Variants in ITGB1BP1 observed in about 807,000 individuals in gnomAD.
The protein encoded by ITGB1BP1 is integrin subunit beta 1 binding protein 1.
In ITGB1BP1, 20 loss-of-function variants were observed where a neutral mutation model predicts 28.0. That is an observed-to-expected ratio of 0.71 (90% CI 0.50 to 1.04). The LOEUF is 1.04. Among genes scored for constraint, ITGB1BP1 ranks in the 50% least tolerant of loss-of-function variants. ITGB1BP1 has a pLI of 0.00. For missense variants in ITGB1BP1, 228 were observed against 242.5 expected, an observed-to-expected ratio of 0.94 and a Z score of 0.40; for synonymous variants, 103 against 89.5, an observed-to-expected ratio of 1.15 and a Z score of -0.85.
chr2:9,423,357 A>AG lies in ITGB1BP1; in HGVS notation c.-36+15dup, dbSNP rs1185055403. Reference sequence around the variant, plus strand: ...CGCGAGCTCGGCCCCAAGCGGGACGAGGGCTGGGCGCTCACCTCGCAGCCG... The same window carrying AG: ...CGCGAGCTCGGCCCCAAGCGGGACGAGGGGCTGGGCGCTCACCTCGCAGCCG... On this transcript the variant is annotated intron_variant, in intron 1 of 6. Coordinates refer to ENST00000355346, the MANE Select transcript of ITGB1BP1 (RefSeq NM_004763.5). 8.4e-7 allele frequency: 1 copy of AG among 1,185,472 alleles called. No homozygotes were observed. The highest frequency in any genetic ancestry group is 1.5e-5 in the South Asian group (1 of 68,214). 73.4% of individuals were successfully genotyped at this position (1,185,472 alleles called of 1,614,324 possible).
At position 9,411,384 on chromosome 2, in the gene ITGB1BP1, C is replaced by T. The variant is rs11678999; in HGVS notation, c.288+885G>A. On this transcript the variant is annotated intron_variant, in intron 4 of 6. Transcript: ENST00000355346. Reference sequence around the variant, plus strand: ...GAATCTATGGAATATAACCAGTCACCGCAACCAGCTCCTCATTTAAATAGG... The same window carrying T: ...GAATCTATGGAATATAACCAGTCACTGCAACCAGCTCCTCATTTAAATAGG... Among the ~76,000 whole-genome samples the T allele has an allele frequency of 5.9e-3, 904 of 152,192 alleles. 11 individuals are homozygous for T. Among genetic ancestry groups the T allele is most frequent in the African/African-American group, 0.02 (847 of 41,516 alleles).
chr2:9,412,183 C>A, intron 4 of ITGB1BP1, 86 bp downstream of exon 4: 1 of 1,196,846 alleles, frequency 8.4e-7, no homozygotes, highest in Non-Finnish European at 1.2e-6. Flanking sequence ...CCCAGTGGAC[C>A]CGAGGAGTGA....
chr2:9,414,704 C>T (rs1678901023), intron 2 of ITGB1BP1, among the ~76,000 whole-genome samples: 1 of 152,158 alleles, frequency 6.6e-6, no homozygotes, highest in African/African-American at 2.4e-5. Context: ...GTGACTTATC[C>T]AAGGTCACAT....
intron 1 of ITGB1BP1, among the ~76,000 whole-genome samples, chr2:9,418,995 C>G (rs970975635): frequency 6.6e-6 from 1 of 152,168 alleles, no homozygotes; most frequent in African/African-American, 2.4e-5. Context: ...CTCAGGCGAT[C>G]CTCCCGCCTT....
intron 3 of ITGB1BP1, among the ~76,000 whole-genome samples, 188 bp downstream of exon 3, chr2:9,413,990 C>A (rs1678794892): frequency 6.6e-6 from 1 of 152,138 alleles, no homozygotes; most frequent in Non-Finnish European, 1.5e-5. Flanking sequence ...TATGTGGTTT[C>A]CCCCAATCAC....
chr2:9,423,240 G>GCCCAGGCATCCCTCCTCCGCCCGCC, intron 1 of ITGB1BP1, 133 bp downstream of exon 1: 1 of 1,138,404 alleles, frequency 8.8e-7, no homozygotes. Flanking sequence ...CCAAGCCCGA[G>GCCCAGGCATCCCTCCTCCGCCCGCC]CCCAGGCATC....
At position 9,423,372 on chromosome 2, in the gene ITGB1BP1, C is replaced by T. The variant is rs1480175025; in HGVS notation, c.-36+1G>A. On this transcript the variant is annotated splice_donor_variant, in intron 1 of 6. Coordinates refer to ENST00000355346, the MANE Select transcript of ITGB1BP1 (RefSeq NM_004763.5). LOFTEE classifies it low-confidence loss of function (5UTR_SPLICE). ...AAGCGGGACGAGGGCTGGGCGCTCA[C>T]CTCGCAGCCGCGGGCCCATCCCCGG... is the stretch of plus-strand genomic sequence containing the variant. 8 of 1,159,202 alleles carry T rather than the reference C, an allele frequency of 6.9e-6. No individual in the cohort carries two copies. Among genetic ancestry groups the T allele is most frequent in the Admixed American group, 4.3e-5 (1 of 23,208 alleles). The allele number at this position is 1,159,202 out of a possible 1,614,324, so 71.8% of individuals were successfully genotyped here. A position where few individuals can be genotyped will look rare whatever the true frequency, so the allele number is the denominator to read the frequency against.
Position 9,405,092 on chromosome 2 carries a change from T to C in ITGB1BP1, c.*1742A>G, listed in dbSNP as rs1157489733. 2 of 152,476 alleles carry C rather than the reference T, an allele frequency of 1.3e-5. No individual in the cohort carries two copies. The highest frequency in any genetic ancestry group is 4.8e-5 in the African/African-American group (2 of 41,446). The allele number at this position is 152,476 out of a possible 1,614,324, so 9.4% of individuals were successfully genotyped here. ...ATATAAGGAATAAAGTTGATTCATATCAACATTAGAACTCCAGTCCCAAAC... is the reference window on the plus strand; with the variant it reads ...ATATAAGGAATAAAGTTGATTCATACCAACATTAGAACTCCAGTCCCAAAC... On this transcript the variant is annotated 3_prime_UTR_variant, in exon 7 of 7. Transcript: ENST00000355346.
chr2:9,422,197 G>T (rs1362646647), intron 1 of ITGB1BP1, among the ~76,000 whole-genome samples: 1 of 152,172 alleles, frequency 6.6e-6, no homozygotes. Flanking sequence ...CGATTAAAAT[G>T]ATTTCTTTCA....
At chr2:9,406,978 G>A in intron 6 of ITGB1BP1, 73 bp from the exon 7 acceptor site, 1 of 1,110,058 alleles carries the variant, frequency 9.0e-7, no homozygotes. Context: ...GCTAGCAGAG[G>A]CACACACCTG....
intron 1 of ITGB1BP1, chr2:9,420,143 G>T: frequency 1.7e-6 from 1 of 573,598 alleles, no homozygotes; most frequent in Non-Finnish European, 2.2e-6. Context: ...AGCAGTCAGT[G>T]AAAGCTCCTG....
upstream of ITGB1BP1, chr2:9,423,567 G>T: frequency 9.0e-7 from 1 of 1,117,298 alleles, no homozygotes; most frequent in Non-Finnish European, 1.2e-6. Context: ...CCGGTTCCAA[G>T]ACCCCAAGTG....
intron 1 of ITGB1BP1, among the ~76,000 whole-genome samples, chr2:9,420,513 A>G (rs1679681674): frequency 6.6e-6 from 1 of 152,210 alleles, no homozygotes; most frequent in South Asian, 2.1e-4. Flanking sequence ...ACACAAGTTG[A>G]GGAGACACAG....
chr2:9,411,945 G>C (rs1678460504), intron 4 of ITGB1BP1: 1 of 222,920 alleles, frequency 4.5e-6, no homozygotes, highest in Admixed American at 6.0e-5. Flanking sequence ...GAGAGGCTGA[G>C]GCAGGAGAAT....
Position 9,404,610 on chromosome 2 carries a change from T to C in ITGB1BP1, c.*2224A>G, listed in dbSNP as rs1677039426. On this transcript the variant is annotated 3_prime_UTR_variant, in exon 7 of 7. Coordinates refer to ENST00000355346, the MANE Select transcript of ITGB1BP1 (RefSeq NM_004763.5). ...GGCATATGATACCCACTTGGACTTTTAACAAAAGTAAAGGAATAAATTTGC... is the reference window on the plus strand; with the variant it reads ...GGCATATGATACCCACTTGGACTTTCAACAAAAGTAAAGGAATAAATTTGC... The C allele has an allele frequency of 6.6e-6, 1 of 152,570 alleles. No homozygotes were observed. Among genetic ancestry groups the C allele is most frequent in the Non-Finnish European group, 1.5e-5 (1 of 68,046 alleles). 9.5% of individuals were successfully genotyped at this position (152,570 alleles called of 1,614,324 possible).
chr2:9,417,652 C>T (rs1358656936), intron 2 of ITGB1BP1, among the ~76,000 whole-genome samples: 2 of 152,128 alleles, frequency 1.3e-5, no homozygotes, highest in Non-Finnish European at 2.9e-5. Context: ...CTCCTGACCT[C>T]AGGTGATCTG....
intron 6 of ITGB1BP1, 171 bp from the exon 7 acceptor site, chr2:9,407,076 G>A (rs1039523029): frequency 6.4e-6 from 4 of 621,382 alleles, no homozygotes; most frequent in Non-Finnish European, 1.2e-5. Context: ...CTGCACGTGG[G>A]CCCTTTCTGC....
rs1677393940 is a variant in ITGB1BP1 at position 9,406,507 on chromosome 2, TCGTCTTCCTC to T, written c.*317_*326del. The T allele has an allele frequency of 5.7e-6, 1 of 175,894 alleles. No homozygotes were observed. Among genetic ancestry groups the T allele is most frequent in the African/African-American group, 3.1e-5 (1 of 32,122 alleles). 10.9% of individuals were successfully genotyped at this position (175,894 alleles called of 1,614,324 possible). ...TCACTGAGTGGACCTCTGTGACATC[TCGTCTTCCTC>T]AGGCCTTCAGTGTGTGTTTGTCACT... On this transcript the variant is annotated 3_prime_UTR_variant, in exon 7 of 7. Coordinates refer to ENST00000355346, the MANE Select transcript of ITGB1BP1 (RefSeq NM_004763.5).
chr2:9,412,179 G>A, intron 4 of ITGB1BP1, 90 bp downstream of exon 4: 1 of 1,120,222 alleles, frequency 8.9e-7, no homozygotes, highest in South Asian at 1.3e-5. Context: ...GGCACCCAGT[G>A]GACCCGAGGA....
Sources: gnomAD v4.1 joint callset for allele counts (sites outside exome capture counted in the v4.1 genomes callset) on GRCh38, gnomAD v4.1.1 for gene constraint, MANE v1.5 for transcripts, NCBI Gene and HGNC (gene_info 2026-07-23, HGNC 2026-07-21) for gene names.